PDE3B: variants seen among roughly 807,000 people sequenced by gnomAD.
The protein encoded by PDE3B is phosphodiesterase 3B.
In PDE3B, 66 loss-of-function variants were observed where a neutral mutation model predicts 116.8. The ratio of observed to expected loss-of-function variants is 0.56; its 90% confidence interval spans 0.46 to 0.69. The LOEUF (loss-of-function observed/expected upper bound fraction) is 0.69. Ranked by LOEUF, PDE3B falls within the 30% of genes least tolerant of loss-of-function variation. The pLI is 0.00. For synonymous variants in PDE3B, 595 were observed against 533.6 expected (o/e 1.12, Z -1.59); for missense variants, 1,384 against 1,368.1 (o/e 1.01, Z -0.18).
intron 2 of PDE3B, among the ~76,000 whole-genome samples, chr11:14,778,378 C>T (rs1450080828): frequency 6.6e-6 from 1 of 152,218 alleles, no homozygotes; most frequent in African/African-American, 2.4e-5. Context: ...TCAAGAGGGT[C>T]CCTGACCCCC....
chr11:14,689,572 A>AG (rs1284887658), intron 1 of PDE3B, among the ~76,000 whole-genome samples: 10 of 152,302 alleles, frequency 6.6e-5, no homozygotes, highest in African/African-American at 2.2e-4. Context: ...CTGAAAAAAA[A>AG]GAGTGTAGAT....
intron 4 of PDE3B, among the ~76,000 whole-genome samples, chr11:14,800,294 G>A (rs773034823): frequency 3.3e-5 from 5 of 152,118 alleles, no homozygotes; most frequent in African/African-American, 4.8e-5. Context: ...GTGAAACCCC[G>A]TCTCTAATAA....
intron 1 of PDE3B, among the ~76,000 whole-genome samples, chr11:14,735,277 A>C (rs1460641443): frequency 6.6e-6 from 1 of 152,210 alleles, no homozygotes; most frequent in African/African-American, 2.4e-5. Context: ...CTGTGTGACA[A>C]AGATAGAAAG....
chr11:14,726,542 T>A (rs1475280662), intron 1 of PDE3B, among the ~76,000 whole-genome samples: 1 of 152,208 alleles, frequency 6.6e-6, no homozygotes, highest in Non-Finnish European at 1.5e-5. Context: ...AGAGATAGTA[T>A]GGAGCCAAAC....
chr11:14,721,693 A>G (rs1806544786), intron 1 of PDE3B, among the ~76,000 whole-genome samples: 1 of 99,334 alleles, frequency 1.0e-5, no homozygotes, highest in Non-Finnish European at 1.9e-5. Context: ...CAAACACCGC[A>G]TATTCTCACT....
intron 13 of PDE3B, 113 bp from the exon 14 acceptor site, chr11:14,861,088 ATTTC>A (rs1173666051): frequency 2.9e-6 from 2 of 700,356 alleles, no homozygotes; most frequent in South Asian, 2.0e-5. Flanking sequence ...ATTTGCTGAA[ATTTC>A]TTTCTGTCAT....
intron 5 of PDE3B, among the ~76,000 whole-genome samples, chr11:14,810,388 A>G (rs962152206): frequency 1.0e-4 from 15 of 143,730 alleles, no homozygotes; most frequent in East Asian, 1.0e-3. Context: ...TCATTGTTCA[A>G]TTCCCACCTA....
intron 1 of PDE3B, among the ~76,000 whole-genome samples, chr11:14,760,789 A>G (rs531736602): frequency 2.2e-4 from 33 of 152,288 alleles, no homozygotes; most frequent in Non-Finnish European, 3.4e-4. Context: ...CATTAAAAAA[A>G]TTGACATCAC....
intron 1 of PDE3B, among the ~76,000 whole-genome samples, chr11:14,676,990 TA>T (rs1854549213): frequency 6.6e-6 from 1 of 152,190 alleles, no homozygotes; most frequent in Admixed American, 6.5e-5. Context: ...TGAGGTAAGG[TA>T]GGGGGTCAAA....
chr11:14,888,919 C>T, the PDE3B span, among the ~76,000 whole-genome samples: 1 of 152,166 alleles, frequency 6.6e-6, no homozygotes, highest in Non-Finnish European at 1.5e-5. Flanking sequence ...CAGGGAATGC[C>T]TCTTGAAATC....
chr11:14,780,334 C>G (rs1397734075), intron 2 of PDE3B, among the ~76,000 whole-genome samples: 1 of 152,198 alleles, frequency 6.6e-6, no homozygotes, highest in Non-Finnish European at 1.5e-5. Flanking sequence ...ATCTACAGAA[C>G]ACTCCACCCC....
the PDE3B span, chr11:14,891,809 G>A: frequency 1.4e-6 from 2 of 1,417,804 alleles, no homozygotes; most frequent in Non-Finnish European, 1.8e-6. Flanking sequence ...GCACGGCGTC[G>A]AGGACTTCTC....
intron 1 of PDE3B, among the ~76,000 whole-genome samples, chr11:14,663,414 A>C (rs1044324122): frequency 2.7e-4 from 41 of 152,274 alleles, no homozygotes; most frequent in East Asian, 1.7e-3. Context: ...CGAGCAAAAT[A>C]ACCAGCTAAC....
chr11:14,673,421 AG>A (rs1854432649), intron 1 of PDE3B, among the ~76,000 whole-genome samples: 1 of 152,134 alleles, frequency 6.6e-6, no homozygotes, highest in Non-Finnish European at 1.5e-5. Context: ...AAAAAGAAAA[AG>A]GATCTATTAC....
At chr11:14,791,848 A>G (rs1487716611) in intron 4 of PDE3B, among the ~76,000 whole-genome samples, 1 of 152,124 alleles carries the variant, frequency 6.6e-6, no homozygotes, top group Non-Finnish European at 1.5e-5. Flanking sequence ...TAGTATTTAC[A>G]TATTCTCTCT....
chr11:14,757,834 T>G (rs1857240372), intron 1 of PDE3B, among the ~76,000 whole-genome samples: 1 of 150,092 alleles, frequency 6.7e-6, no homozygotes, highest in African/African-American at 2.5e-5. Flanking sequence ...AATTTTGGCT[T>G]TTGTTGCCAT....
the PDE3B span, chr11:14,892,061 T>C: frequency 6.8e-6 from 11 of 1,612,458 alleles, no homozygotes; most frequent in Admixed American, 3.3e-5. Flanking sequence ...ATGTTGCCGA[T>C]AAATGGCAGC....
intron 6 of PDE3B, among the ~76,000 whole-genome samples, 175 bp from the exon 7 acceptor site, chr11:14,818,961 A>C (rs1859423091): frequency 6.6e-6 from 1 of 152,150 alleles, no homozygotes; most frequent in Non-Finnish European, 1.5e-5. Flanking sequence ...TGTTTCCTTC[A>C]AGGACACACA....
chr11:14,770,782 G>A (rs79941653), intron 1 of PDE3B, among the ~76,000 whole-genome samples: 3,865 of 151,558 alleles, frequency 0.026, 197 homozygotes, highest in African/African-American at 0.088. Flanking sequence ...AAGAAATTAC[G>A]TTCTGCAAGG....
Sources: allele counts gnomAD v4.1 joint callset (sites outside exome capture counted in the v4.1 genomes callset), GRCh38; gene constraint gnomAD v4.1.1; transcripts MANE v1.5; gene names NCBI Gene and HGNC (gene_info 2026-07-23, HGNC 2026-07-21).